Variants in SLC6A6 observed in about 807,000 individuals in gnomAD.
SLC6A6 encodes the protein solute carrier family 6 member 6.
Under a neutral mutation model 68.8 loss-of-function variants are expected in SLC6A6, and 16 were observed. The observed-to-expected ratio is 0.23, with a 90% CI of 0.16 to 0.35. The LOEUF (loss-of-function observed/expected upper bound fraction) is 0.35. SLC6A6 is among the 10% of genes least tolerant of loss of function. SLC6A6 has a pLI of 1.00. For synonymous variants in SLC6A6, 312 were observed against 315.4 expected, an observed-to-expected ratio of 0.99 and a Z score of 0.12; for missense variants, 474 against 802.8, an observed-to-expected ratio of 0.59 and a Z score of 4.95.
intron 9 of SLC6A6, among the ~76,000 whole-genome samples, chr3:14,471,436 G>C (rs1323829968): frequency 6.6e-6 from 1 of 152,188 alleles, no homozygotes; most frequent in Non-Finnish European, 1.5e-5. Context: ...ACACAGGAAG[G>C]CTCCTTGTGA....
rs768409026 is a variant in SLC6A6 at position 14,457,977 on chromosome 3, A to G, written c.627A>G (p.Gly209=). Residue 209 remains glycine (G), a synonymous_variant, in exon 6 of 15, where the codon GGA becomes GGG. Transcript: ENST00000622186. ...WERNVLSLSP[G]IDHPGSLKWD... is the part of the protein sequence containing the mutation. The stretch of plus-strand genomic sequence containing the variant: ...GCAACGTGCTGAGCTTGTCCCCTGG[A>G]ATCGACCACCCAGGCTCTCTGAAAT... 5.5e-5 allele frequency: 88 copies of G among 1,614,080 alleles called. No homozygotes were observed. Among genetic ancestry groups the G allele is most frequent in the Non-Finnish European group, 7.1e-5 (84 of 1,179,984 alleles).
At chr3:14,443,185 C>A (rs913353027) in intron 2 of SLC6A6, among the ~76,000 whole-genome samples, 3 of 152,128 alleles carry the variant, frequency 2.0e-5, no homozygotes, top group African/African-American at 7.2e-5. Flanking sequence ...AAATACAAAT[C>A]CAAATTTAGA....
intron 2 of SLC6A6, among the ~76,000 whole-genome samples, chr3:14,441,614 G>T (rs1230564847): frequency 6.6e-6 from 1 of 152,186 alleles, no homozygotes; most frequent in Non-Finnish European, 1.5e-5. Flanking sequence ...GGAAACGGGG[G>T]TTTTGTTGTG....
chr3:14,410,419 C>T (rs565998711), intron 1 of SLC6A6, among the ~76,000 whole-genome samples: 4 of 152,312 alleles, frequency 2.6e-5, no homozygotes, highest in African/African-American at 9.6e-5. Context: ...TGCAAAGACT[C>T]CTTACAGTTT....
chr3:14,443,972 C>A lies in SLC6A6; in HGVS notation c.229+109C>A, dbSNP rs79087593. On this transcript the variant is annotated intron_variant, in intron 3 of 14. Transcript: ENST00000622186. Reference sequence around the variant, plus strand: ...CTCTCTTTCCCTGCTTTCCCTGGCCCCCCCCCTTGACCTCCATGAGGTCAG... The same window carrying A: ...CTCTCTTTCCCTGCTTTCCCTGGCCACCCCCCTTGACCTCCATGAGGTCAG... 5.9e-4 allele frequency: 439 copies of A among 745,930 alleles called. 2 individuals are homozygous for A. Among genetic ancestry groups the A allele is most frequent in the South Asian group, 4.3e-4 (26 of 60,430 alleles). 46.2% of individuals were successfully genotyped at this position (745,930 alleles called of 1,614,324 possible).
intron 1 of SLC6A6, among the ~76,000 whole-genome samples, chr3:14,406,538 G>T (rs1267928521): frequency 6.6e-6 from 1 of 152,208 alleles, no homozygotes; most frequent in Non-Finnish European, 1.5e-5. Flanking sequence ...AAACATGGGG[G>T]TGAAGGCCTG....
At chr3:14,461,668 G>T (rs1480318773) in intron 6 of SLC6A6, among the ~76,000 whole-genome samples, 44 of 152,226 alleles carry the variant, frequency 2.9e-4, no homozygotes, top group Non-Finnish European at 2.9e-5. Context: ...TCAGAGCCAG[G>T]TCCTTTTAGC....
intron 3 of SLC6A6, among the ~76,000 whole-genome samples, chr3:14,444,573 G>A (rs1347926843): frequency 6.6e-6 from 1 of 152,198 alleles, no homozygotes; most frequent in Non-Finnish European, 1.5e-5. Context: ...GTGCCATGAT[G>A]GGGTTGAAGA....
intron 1 of SLC6A6, among the ~76,000 whole-genome samples, chr3:14,410,399 C>T (rs1699224552): frequency 6.6e-6 from 1 of 152,150 alleles, no homozygotes; most frequent in African/African-American, 2.4e-5. Context: ...GAGGGCAAAA[C>T]TGTATCAATT....
At chr3:14,418,784 G>A (rs984705310) in intron 2 of SLC6A6, among the ~76,000 whole-genome samples, 1 of 152,196 alleles carries the variant, frequency 6.6e-6, no homozygotes, top group Non-Finnish European at 1.5e-5. Flanking sequence ...TGAGGTGGGC[G>A]CTGATGTCAT....
intron 2 of SLC6A6, among the ~76,000 whole-genome samples, chr3:14,425,890 G>A (rs746604785): frequency 1.4e-4 from 22 of 152,112 alleles, no homozygotes; most frequent in Non-Finnish European, 2.9e-4. Context: ...CCTAGCCTGC[G>A]GGGTCAGTAG....
At chr3:14,467,789 T>C in intron 7 of SLC6A6, 64 bp from the exon 8 acceptor site, 1 of 997,924 alleles carries the variant, frequency 1.0e-6, no homozygotes, top group Non-Finnish European at 1.5e-6. Context: ...CCTCGCTGCC[T>C]CCTCCAGGAA....
chr3:14,475,759 G>A (rs949464875), intron 10 of SLC6A6, among the ~76,000 whole-genome samples: 1 of 152,184 alleles, frequency 6.6e-6, no homozygotes, highest in Non-Finnish European at 1.5e-5. Context: ...TTGAGCTGCC[G>A]GTTTGCTATA....
chr3:14,414,384 G>T (rs1264355589), intron 1 of SLC6A6, among the ~76,000 whole-genome samples: 8 of 152,208 alleles, frequency 5.3e-5, no homozygotes, highest in African/African-American at 1.9e-4. Context: ...CACCTAGGAG[G>T]AGGAGGTGGG....
chr3:14,403,117 TGTGTGTGG>T (rs1699026019), intron 1 of SLC6A6, among the ~76,000 whole-genome samples: 2 of 111,448 alleles, frequency 1.8e-5, no homozygotes, highest in African/African-American at 6.9e-5. Flanking sequence ...TGTGTGTGTG[TGTGTGTGG>T]CATATCTGTG....
intron 5 of SLC6A6, among the ~76,000 whole-genome samples, chr3:14,454,934 C>T (rs1375655743): frequency 1.3e-5 from 2 of 152,192 alleles, no homozygotes; most frequent in African/African-American, 4.8e-5. Context: ...GTCTCCAGGA[C>T]CGAGCTCCTT....
chr3:14,436,286 C>T (rs762199158), intron 2 of SLC6A6, among the ~76,000 whole-genome samples: 4 of 152,102 alleles, frequency 2.6e-5, no homozygotes, highest in East Asian at 3.9e-4. Flanking sequence ...CTGCAGCCTC[C>T]AACTCCCGGG....
intron 4 of SLC6A6, 99 bp downstream of exon 4, chr3:14,445,950 C>A: frequency 8.3e-7 from 1 of 1,207,718 alleles, no homozygotes; most frequent in Non-Finnish European, 1.2e-6. Context: ...GAGCCTCATG[C>A]ACATCACTTA....
intron 6 of SLC6A6, among the ~76,000 whole-genome samples, chr3:14,464,986 C>T (rs1210422553): frequency 6.6e-6 from 1 of 152,204 alleles, no homozygotes; most frequent in East Asian, 1.9e-4. Context: ...TCCGTTGATG[C>T]CCTGGGCACG....
Sources: allele counts gnomAD v4.1 joint callset (sites outside exome capture counted in the v4.1 genomes callset), GRCh38; gene constraint gnomAD v4.1.1; transcripts MANE v1.5; gene names NCBI Gene and HGNC (gene_info 2026-07-23, HGNC 2026-07-21).